Variants in VPS13B observed in about 807,000 individuals in gnomAD.
VPS13B encodes the protein intermembrane lipid transfer protein VPS13B.
In VPS13B, 285 loss-of-function variants were observed where a neutral mutation model predicts 426.4. The observed-to-expected ratio is 0.67, with a 90% CI of 0.61 to 0.74. The LOEUF is 0.74. Among genes scored for constraint, VPS13B ranks in the 30% least tolerant of loss-of-function variants. VPS13B has a pLI of 0.00. For missense variants in VPS13B, 4,537 were observed against 4,782.6 expected (o/e 0.95, Z 1.51); for synonymous variants, 1,676 against 1,676.4 (o/e 1.00, Z 0.01).
At chr8:99,462,435 T>C (rs1818892884) in intron 23 of VPS13B, among the ~76,000 whole-genome samples, 1 of 152,108 alleles carries the variant, frequency 6.6e-6, no homozygotes, top group Admixed American at 6.6e-5. Flanking sequence ...TTTCTGTGGA[T>C]CTTGGCCATT....
At chr8:99,752,203 T>A (rs1009200514) in intron 39 of VPS13B, among the ~76,000 whole-genome samples, 2 of 152,094 alleles carry the variant, frequency 1.3e-5, no homozygotes, top group African/African-American at 4.8e-5. Flanking sequence ...ATTTTAAATT[T>A]TAAGAAAAGA....
At chr8:99,872,292 T>G (rs554778808) in intron 61 of VPS13B, among the ~76,000 whole-genome samples, 1 of 152,280 alleles carries the variant, frequency 6.6e-6, no homozygotes, top group East Asian at 1.9e-4. Context: ...AGGGTCAACA[T>G]TTTGTGAAGT....
At chr8:99,472,939 G>T (rs1464998596) in intron 24 of VPS13B, among the ~76,000 whole-genome samples, 1 of 151,924 alleles carries the variant, frequency 6.6e-6, no homozygotes, top group African/African-American at 2.4e-5. Flanking sequence ...CATTGGAAAA[G>T]AATTCCATCA....
chr8:99,302,484 C>T (rs1451912401), intron 19 of VPS13B, among the ~76,000 whole-genome samples: 1 of 152,046 alleles, frequency 6.6e-6, no homozygotes, highest in African/African-American at 2.4e-5. Context: ...TATTGAATAT[C>T]TCATGCAATT....
intron 20 of VPS13B, among the ~76,000 whole-genome samples, chr8:99,390,075 T>C (rs1340303208): frequency 6.6e-6 from 1 of 151,986 alleles, no homozygotes; most frequent in African/African-American, 2.4e-5. Context: ...CTTTCGATAA[T>C]TTATTTAATC....
chr8:99,399,358 C>G (rs1273445912), intron 21 of VPS13B, among the ~76,000 whole-genome samples: 8 of 152,056 alleles, frequency 5.3e-5, no homozygotes, highest in Admixed American at 2.0e-4. Flanking sequence ...CTGCACTATT[C>G]TAGGTAATCA....
chr8:99,369,240 A>T (rs917102082), intron 19 of VPS13B, among the ~76,000 whole-genome samples: 3 of 152,236 alleles, frequency 2.0e-5, no homozygotes, highest in African/African-American at 7.2e-5. Flanking sequence ...TAGCACAATA[A>T]TTTGAACATA....
intron 35 of VPS13B, among the ~76,000 whole-genome samples, chr8:99,669,084 A>G (rs1186403530): frequency 3.9e-5 from 6 of 152,296 alleles, no homozygotes; most frequent in Non-Finnish European, 7.4e-5. Context: ...CAGTTAGCCT[A>G]TAGAAAAAAA....
At chr8:99,729,577 G>T (rs564552648) in intron 39 of VPS13B, among the ~76,000 whole-genome samples, 1 of 152,288 alleles carries the variant, frequency 6.6e-6, no homozygotes, top group East Asian at 1.9e-4. Flanking sequence ...TAATACATTG[G>T]CAACTTCACA....
intron 35 of VPS13B, among the ~76,000 whole-genome samples, chr8:99,689,116 C>A (rs1025313533): frequency 1.3e-5 from 2 of 151,958 alleles, no homozygotes; most frequent in Non-Finnish European, 2.9e-5. Flanking sequence ...GGAACAAGAA[C>A]AATTGTTCTC....
intron 35 of VPS13B, among the ~76,000 whole-genome samples, chr8:99,686,463 A>G (rs1184740524): frequency 6.6e-6 from 1 of 151,968 alleles, no homozygotes; most frequent in Admixed American, 6.5e-5. Flanking sequence ...TGTCCCAGGT[A>G]CATCCAGAGA....
chr8:99,550,709 C>T (rs1824237233), intron 30 of VPS13B, among the ~76,000 whole-genome samples: 2 of 151,856 alleles, frequency 1.3e-5, no homozygotes, highest in South Asian at 4.2e-4. Context: ...TTATCCTGTG[C>T]CACTTGAACT....
At chr8:99,432,197 T>C (rs963828734) in intron 22 of VPS13B, among the ~76,000 whole-genome samples, 3 of 152,178 alleles carry the variant, frequency 2.0e-5, no homozygotes, top group African/African-American at 7.2e-5. Context: ...GACTAAAATA[T>C]ACAATTAGAT....
At position 99,013,808 on chromosome 8, in the gene VPS13B, C is replaced by T. The variant is rs1369647863; in HGVS notation, c.20C>T (p.Thr7Ile). The part of the protein sequence containing the change: MLESYV[T>I]PILMSYVNRY... ...TAAAAGATGCTGGAGTCATATGTAA[C>T]TCCAATTTTAATGAGCTATGTGAAT... The change falls in exon 2 of 62, where the codon ACT (threonine) becomes ATT (isoleucine). Residue 7 changes from threonine to isoleucine, a missense_variant. By Grantham distance (89) the Thr-to-Ile change is moderately conservative (BLOSUM62 -1). Coordinates refer to ENST00000357162, the MANE Select transcript of VPS13B (RefSeq NM_152564.5). 6.2e-7 allele frequency: 1 copy of T among 1,614,074 alleles called. No individual in the cohort carries two copies. Among genetic ancestry groups the T allele is most frequent in the African/African-American group, 1.3e-5 (1 of 74,930 alleles).
At chr8:99,775,468 A>G (rs959021860) in intron 40 of VPS13B, among the ~76,000 whole-genome samples, 2 of 152,100 alleles carry the variant, frequency 1.3e-5, no homozygotes, top group Non-Finnish European at 2.9e-5. Context: ...TCCTCCAACA[A>G]TCCCAAATTC....
At chr8:99,875,026 G>A (rs1817625379) in intron 61 of VPS13B, 1 of 282,220 alleles carries the variant, frequency 3.5e-6, no homozygotes, top group South Asian at 3.8e-5. Context: ...TTATTTCAGT[G>A]CTGAGTTTAA....
chr8:99,518,253 CT>C (rs1822192301), intron 29 of VPS13B, among the ~76,000 whole-genome samples: 2 of 152,128 alleles, frequency 1.3e-5, no homozygotes, highest in South Asian at 4.1e-4. Context: ...CTAATTGCAC[CT>C]TTGTGGTACG....
chr8:99,066,973 C>G (rs947776138), intron 3 of VPS13B, among the ~76,000 whole-genome samples: 2 of 152,110 alleles, frequency 1.3e-5, no homozygotes, highest in Non-Finnish European at 2.9e-5. Context: ...GAATGGCAAT[C>G]ATTAGAAAGT....
intron 22 of VPS13B, 54 bp from the exon 23 acceptor site, chr8:99,442,347 T>C: frequency 1.3e-6 from 2 of 1,493,764 alleles, no homozygotes; most frequent in African/African-American, 1.4e-5. Flanking sequence ...TGTTAGGTGT[T>C]TGAAGGCATA....
Sources: allele counts gnomAD v4.1 joint callset (sites outside exome capture counted in the v4.1 genomes callset), GRCh38; gene constraint gnomAD v4.1.1; transcripts MANE v1.5; gene names NCBI Gene and HGNC (gene_info 2026-07-23, HGNC 2026-07-21).